The following CSN1S1 variants were observed in gnomAD, a reference collection of about 807,000 sequenced individuals.
The protein encoded by CSN1S1 is casein alpha s1.
Under a neutral mutation model 49.1 loss-of-function variants are expected in CSN1S1, and 63 were observed. That is an observed-to-expected ratio of 1.28 (90% CI 1.05 to 1.58). CSN1S1 has a LOEUF of 1.58. CSN1S1 is among the 40% of genes most tolerant of loss of function. The probability of loss-of-function intolerance (pLI) is 0.00; values close to 1 mark genes in which losing one functional copy is unlikely to be tolerated. For missense variants in CSN1S1, 260 were observed against 224.7 expected, an observed-to-expected ratio of 1.16 and a Z score of -1.01; for synonymous variants, 78 against 67.1, an observed-to-expected ratio of 1.16 and a Z score of -0.79.
chr4:69,939,257 A>T (rs1378752078), intron 10 of CSN1S1, 49 bp downstream of exon 10: 3 of 1,390,370 alleles, frequency 2.2e-6, no homozygotes, highest in Non-Finnish European at 3.0e-6. Context: ...TTAAAAAATT[A>T]TGAAAACTTG....
At chr4:69,938,709 A>G (rs999108283) in intron 9 of CSN1S1, among the ~76,000 whole-genome samples, 15 of 151,810 alleles carry the variant, frequency 9.9e-5, no homozygotes, top group Admixed American at 1.3e-4. Context: ...AAATATTTTA[A>G]AATCTAATGT....
intron 14 of CSN1S1, 45 bp from the exon 15 acceptor site, chr4:69,944,805 G>T: frequency 6.3e-7 from 1 of 1,581,954 alleles, no homozygotes; most frequent in African/African-American, 1.4e-5. Context: ...ACTGAAAAAA[G>T]CAATTGCTCA....
intron 10 of CSN1S1, 33 bp from the exon 11 acceptor site, chr4:69,939,988 A>G: frequency 7.8e-7 from 1 of 1,281,732 alleles, no homozygotes; most frequent in Non-Finnish European, 1.1e-6. Flanking sequence ...ATGTCGTGAA[A>G]TTAAAACTAT....
At chr4:69,932,129 C>T (rs1410732406) in intron 1 of CSN1S1, among the ~76,000 whole-genome samples, 2 of 151,824 alleles carry the variant, frequency 1.3e-5, no homozygotes, top group East Asian at 1.9e-4. Context: ...AATTCCAGTT[C>T]TCAGTGGATT....
chr4:69,945,059 A>G, intron 15 of CSN1S1, 55 bp downstream of exon 15: 1 of 1,579,484 alleles, frequency 6.3e-7, no homozygotes, highest in South Asian at 1.1e-5. Flanking sequence ...ATGAAATAGA[A>G]TAGCTTGGAG....
chr4:69,946,279 G>A lies in CSN1S1; in HGVS notation c.*83G>A. 1 of 414,854 alleles carries A rather than the reference G, an allele frequency of 2.4e-6. No individual in the cohort carries two copies. Among genetic ancestry groups the A allele is most frequent in the Non-Finnish European group, 4.6e-6 (1 of 218,904 alleles). The allele number at this position is 414,854 out of a possible 1,614,324, so 25.7% of individuals were successfully genotyped here. ...AAGACTGGACTGTTGTTTTAGAATA[G>A]TAAAATCCCATATTGAAGGAAATTG... On this transcript the variant is annotated 3_prime_UTR_variant, in exon 16 of 16. Coordinates refer to ENST00000246891, the MANE Select transcript of CSN1S1 (RefSeq NM_001890.2).
chr4:69,937,182 A>G (rs1243336809), intron 8 of CSN1S1, 38 bp downstream of exon 8: 7 of 1,391,458 alleles, frequency 5.0e-6, no homozygotes, highest in South Asian at 1.4e-5. Context: ...AACCAATATG[A>G]GGAAAAGAAA....
chr4:69,938,545 T>C (rs866745282), intron 9 of CSN1S1, among the ~76,000 whole-genome samples: 14 of 151,732 alleles, frequency 9.2e-5, no homozygotes, highest in Non-Finnish European at 1.5e-4. Flanking sequence ...AATGCTGACT[T>C]ATTACATATG....
At chr4:69,932,803 T>A (rs1288469340) in intron 2 of CSN1S1, among the ~76,000 whole-genome samples, 197 bp downstream of exon 2, 1 of 151,866 alleles carries the variant, frequency 6.6e-6, no homozygotes, top group East Asian at 1.9e-4. Context: ...GAGCCTTAAC[T>A]CTGAATAAAA....
At chr4:69,933,140 A>G (rs892905145) in intron 2 of CSN1S1, among the ~76,000 whole-genome samples, 1 of 150,944 alleles carries the variant, frequency 6.6e-6, no homozygotes, top group Non-Finnish European at 1.5e-5. Flanking sequence ...TGAGTGATCA[A>G]TTTATTGTGG....
At chr4:69,939,039 A>G in intron 9 of CSN1S1, 137 bp from the exon 10 acceptor site, 3 of 517,014 alleles carry the variant, frequency 5.8e-6, no homozygotes, top group Non-Finnish European at 1.0e-5. Context: ...ACAATGTAGT[A>G]CGCCTGAATT....
intron 6 of CSN1S1, 24 bp from the exon 7 acceptor site, chr4:69,936,542 C>T (rs778986472): frequency 6.2e-7 from 1 of 1,603,944 alleles, no homozygotes; most frequent in Non-Finnish European, 8.5e-7. Flanking sequence ...ACATATTTTA[C>T]AAGGTACACT....
rs749598804 is a variant in CSN1S1 at position 69,944,878 on chromosome 4, C to T, written c.431C>T (p.Ala144Val). ...VPFQQLNQLA[A>V]YPYAVWYYPQ... ...TTCCAGCAGCTCAACCAACTTGCTG[C>T]CTACCCCTATGCTGTTTGGTACTAT... Residue 144 changes from alanine (A) to valine (V), a missense_variant, in exon 15 of 16, where the codon GCC (alanine) becomes GTC (valine). Ala to Val is a moderately conservative substitution (Grantham distance 64). Transcript: ENST00000246891. 1 of 1,612,758 alleles carries T rather than the reference C, an allele frequency of 6.2e-7. No homozygotes were observed. The highest frequency in any genetic ancestry group is 1.1e-5 in the South Asian group (1 of 90,994).
intron 14 of CSN1S1, among the ~76,000 whole-genome samples, chr4:69,944,005 GTCTC>G (rs143773409): frequency 9.5e-4 from 141 of 148,480 alleles, no homozygotes; most frequent in African/African-American, 3.3e-3. Flanking sequence ...CTGTCTGTCT[GTCTC>G]TCTCTCTCTC....
intron 10 of CSN1S1, among the ~76,000 whole-genome samples, chr4:69,939,446 C>T (rs563190321): frequency 6.6e-5 from 10 of 151,748 alleles, no homozygotes; most frequent in Admixed American, 4.6e-4. Flanking sequence ...TCTGTGATGT[C>T]CAAATTATTT....
In CSN1S1 at chr4:69,934,787, GTCT is replaced by G. The variant is rs1329267140; in HGVS notation, c.105+85_105+87del. The G allele has an allele frequency of 3.3e-5, 42 of 1,285,036 alleles. No homozygotes were observed. In the South Asian group the frequency reaches 3.8e-4, roughly 12 times the overall value. 79.6% of individuals were successfully genotyped at this position (1,285,036 alleles called of 1,614,324 possible). A position where few individuals can be genotyped will look rare whatever the true frequency, so the allele number is the denominator to read the frequency against. ...CAGTTAGCTGTCATGCATGTTGAAT[GTCT>G]TCTTCTTTACAATTTTTATTTCCCT... is the stretch of plus-strand genomic sequence containing the variant. On this transcript the variant is annotated intron_variant, in intron 4 of 15. Coordinates refer to ENST00000246891, the MANE Select transcript of CSN1S1 (RefSeq NM_001890.2).
intron 9 of CSN1S1, 26 bp from the exon 10 acceptor site, chr4:69,939,150 A>T: frequency 6.4e-7 from 1 of 1,572,454 alleles, no homozygotes; most frequent in African/African-American, 1.4e-5. Context: ...CCAGGGGATA[A>T]TTAACACTAG....
rs376533412 is a variant in CSN1S1, at chr4:69,939,173, T to C, written c.244-3T>C. ...TAATTAACACTAGATTTCTTTCTTT[T>C]AGAAGATGGAATCCAGCATCAGTTC... is the stretch of plus-strand genomic sequence containing the variant. On this transcript the variant is annotated splice_polypyrimidine_tract_variant and splice_region_variant and intron_variant, in intron 9 of 15. Transcript: ENST00000246891. 6.8e-5 allele frequency: 108 copies of C among 1,598,554 alleles called. No individual in the cohort carries two copies. The African/African-American group carries it at 9.4e-4, about 14-fold the overall frequency.
At chr4:69,934,302 A>G in intron 3 of CSN1S1, 58 bp downstream of exon 3, 1 of 1,491,202 alleles carries the variant, frequency 6.7e-7, no homozygotes. Context: ...ACAAACTCCA[A>G]ATGTGCGCTT....
Sources: gnomAD v4.1 joint callset for allele counts (sites outside exome capture counted in the v4.1 genomes callset) on GRCh38, gnomAD v4.1.1 for gene constraint, MANE v1.5 for transcripts, NCBI Gene and HGNC (gene_info 2026-07-23, HGNC 2026-07-21) for gene names.